Variants in PCDH9 observed in about 807,000 individuals in gnomAD.
The protein encoded by PCDH9 is protocadherin-9.
PCDH9 carries 24 observed loss-of-function variants against 70.6 expected under a neutral mutation model. The ratio of observed to expected loss-of-function variants is 0.34; its 90% CI spans 0.25 to 0.48. The LOEUF (loss-of-function observed/expected upper bound fraction) is 0.48. PCDH9 is among the 20% of genes least tolerant of loss of function. PCDH9 has a pLI of 0.99. For missense variants in PCDH9, 1,281 were observed against 1,503.6 expected, an observed-to-expected ratio of 0.85 and a Z score of 2.45; for synonymous variants, 562 against 558.5, an observed-to-expected ratio of 1.01 and a Z score of -0.09.
At chr13:67,072,156 T>C (rs2085779750) in intron 2 of PCDH9, among the ~76,000 whole-genome samples, 1 of 152,110 alleles carries the variant, frequency 6.6e-6, no homozygotes, top group Non-Finnish European at 1.5e-5. Context: ...ACCTAGGCAC[T>C]GAGTATTTTA....
At chr13:67,109,082 A>C (rs1440119671) in intron 2 of PCDH9, among the ~76,000 whole-genome samples, 1 of 152,176 alleles carries the variant, frequency 6.6e-6, no homozygotes, top group Non-Finnish European at 1.5e-5. Context: ...TATTTTATAA[A>C]TTTTCTTTCA....
At chr13:67,017,017 G>A (rs2139851504) in intron 2 of PCDH9, among the ~76,000 whole-genome samples, 1 of 152,170 alleles carries the variant, frequency 6.6e-6, no homozygotes, top group South Asian at 2.1e-4. Flanking sequence ...CAATCAATGT[G>A]CAACCTCCAA....
chr13:66,637,345 AG>A (rs1273085224), intron 3 of PCDH9, among the ~76,000 whole-genome samples: 1 of 152,206 alleles, frequency 6.6e-6, no homozygotes, highest in African/African-American at 2.4e-5. Flanking sequence ...TTAAACCTTA[AG>A]GTTTCTGAAC....
chr13:67,154,337 T>A (rs1233611239), intron 2 of PCDH9, among the ~76,000 whole-genome samples: 3 of 152,000 alleles, frequency 2.0e-5, no homozygotes, highest in Admixed American at 2.0e-4. Flanking sequence ...TGCCAGTAAT[T>A]CCAGCACTCT....
At chr13:66,717,731 A>T (rs575498885) in intron 3 of PCDH9, among the ~76,000 whole-genome samples, 5 of 151,928 alleles carry the variant, frequency 3.3e-5, no homozygotes, top group Non-Finnish European at 7.4e-5. Flanking sequence ...TTAGTGTGAT[A>T]TTTTCAGAGT....
intron 4 of PCDH9, among the ~76,000 whole-genome samples, chr13:66,490,625 C>G (rs556874223): frequency 6.6e-6 from 1 of 152,032 alleles, no homozygotes; most frequent in East Asian, 1.9e-4. Context: ...TAATGTTTAA[C>G]TGTTTTTAAT....
intron 3 of PCDH9, among the ~76,000 whole-genome samples, chr13:66,776,762 A>G (rs1657106405): frequency 6.6e-6 from 1 of 150,838 alleles, no homozygotes; most frequent in South Asian, 2.1e-4. Flanking sequence ...CTTTCTTCAC[A>G]GAATTGGAAA....
chr13:66,819,108 C>T (rs935524407), intron 3 of PCDH9, among the ~76,000 whole-genome samples: 2 of 151,958 alleles, frequency 1.3e-5, no homozygotes, highest in Non-Finnish European at 2.9e-5. Flanking sequence ...CAGATATATT[C>T]CAGCTCATCA....
intron 3 of PCDH9, among the ~76,000 whole-genome samples, chr13:66,836,518 A>G (rs565572704): frequency 6.6e-6 from 1 of 152,008 alleles, no homozygotes; most frequent in South Asian, 2.1e-4. Context: ...CTTCACCTCA[A>G]TCCTACACTT....
intron 2 of PCDH9, among the ~76,000 whole-genome samples, chr13:66,929,259 T>C (rs2082766428): frequency 6.6e-6 from 1 of 151,884 alleles, no homozygotes; most frequent in Non-Finnish European, 1.5e-5. Context: ...ATTATGATAT[T>C]CTTTCATGTT....
At chr13:66,894,715 C>T (rs993521171) in intron 3 of PCDH9, among the ~76,000 whole-genome samples, 1 of 151,966 alleles carries the variant, frequency 6.6e-6, no homozygotes, top group African/African-American at 2.4e-5. Context: ...TGCAAACATC[C>T]AAAAGTCTAT....
chr13:66,365,812 T>C (rs576006617), intron 4 of PCDH9, among the ~76,000 whole-genome samples: 3 of 152,250 alleles, frequency 2.0e-5, no homozygotes, highest in Non-Finnish European at 4.4e-5. Context: ...CAAATAAATG[T>C]TTATTAAATG....
At chr13:66,748,394 C>T (rs1187653551) in intron 3 of PCDH9, among the ~76,000 whole-genome samples, 1 of 152,158 alleles carries the variant, frequency 6.6e-6, no homozygotes, top group Non-Finnish European at 1.5e-5. Context: ...AGTTAAACCA[C>T]ACCAAATCAA....
chr13:67,037,945 T>A (rs1345255900), intron 2 of PCDH9, among the ~76,000 whole-genome samples: 2 of 152,168 alleles, frequency 1.3e-5, no homozygotes, highest in Non-Finnish European at 2.9e-5. Context: ...GAAGAAATGT[T>A]TTTCTGAGCA....
At chr13:66,938,894 T>C (rs1348374542) in intron 2 of PCDH9, among the ~76,000 whole-genome samples, 3 of 152,210 alleles carry the variant, frequency 2.0e-5, no homozygotes, top group East Asian at 3.8e-4. Flanking sequence ...AAAATTATTG[T>C]AATAGAATTA....
chr13:66,782,754 C>T (rs2080020308), intron 3 of PCDH9: 1 of 152,036 alleles, frequency 6.6e-6, no homozygotes, highest in Admixed American at 6.6e-5. Flanking sequence ...CAGCATTGGT[C>T]TGGAGTTTAT....
At chr13:66,722,926 C>A (rs1015003485) in intron 3 of PCDH9, among the ~76,000 whole-genome samples, 1 of 149,998 alleles carries the variant, frequency 6.7e-6, no homozygotes, top group African/African-American at 2.5e-5. Context: ...CGAGATCGTG[C>A]CACTGTACTC....
At chr13:66,848,650 C>A (rs555023394) in intron 3 of PCDH9, among the ~76,000 whole-genome samples, 52 of 151,978 alleles carry the variant, frequency 3.4e-4, no homozygotes, top group Middle Eastern at 6.8e-3. Flanking sequence ...CAAAATCGGC[C>A]GGGCGCGGTG....
chr13:66,744,373 A>G (rs1796638849), intron 3 of PCDH9, among the ~76,000 whole-genome samples: 1 of 152,212 alleles, frequency 6.6e-6, no homozygotes, highest in Non-Finnish European at 1.5e-5. Flanking sequence ...TAGACTCTAA[A>G]GCATGACTTG....
Sources: gnomAD v4.1 joint callset for allele counts (sites outside exome capture counted in the v4.1 genomes callset) on GRCh38, gnomAD v4.1.1 for gene constraint, MANE v1.5 for transcripts, NCBI Gene and HGNC (gene_info 2026-07-23, HGNC 2026-07-21) for gene names.